Variants in CUX1 observed in about 807,000 individuals in gnomAD.
CUX1 encodes cut like homeobox 1.
In CUX1, 31 loss-of-function variants were observed where a neutral mutation model predicts 158.8. The ratio of observed to expected loss-of-function variants is 0.20; its 90% CI spans 0.15 to 0.26. CUX1 has a LOEUF of 0.26. CUX1 is among the 10% of genes least tolerant of loss of function. The pLI is 1.00. For missense variants in CUX1, 1,589 were observed against 2,014.6 expected, an observed-to-expected ratio of 0.79 and a Z score of 4.04; for synonymous variants, 879 against 862.1, an observed-to-expected ratio of 1.02 and a Z score of -0.34.
intron 3 of CUX1, among the ~76,000 whole-genome samples, chr7:102,046,093 C>CA (rs1400543338): frequency 6.6e-6 from 1 of 152,202 alleles, no homozygotes; most frequent in Non-Finnish European, 1.5e-5. Context: ...GATATTGTGG[C>CA]AAAGTTGACT....
chr7:101,825,917 G>A (rs1201922695), intron 1 of CUX1, among the ~76,000 whole-genome samples: 1 of 152,050 alleles, frequency 6.6e-6, no homozygotes, highest in East Asian at 1.9e-4. Flanking sequence ...ATTCGAAACA[G>A]GTCGCAATCC....
chr7:102,090,511 C>A (rs1828455134), intron 4 of CUX1, among the ~76,000 whole-genome samples: 1 of 151,984 alleles, frequency 6.6e-6, no homozygotes, highest in African/African-American at 2.4e-5. Flanking sequence ...CCTCAGCCTC[C>A]CGAGTAGCTG....
intron 8 of CUX1, among the ~76,000 whole-genome samples, chr7:102,123,071 A>C (rs946033613): frequency 3.3e-5 from 5 of 152,110 alleles, no homozygotes; most frequent in African/African-American, 1.2e-4. Flanking sequence ...TCTCTACTAA[A>C]AATACAAAAA....
intron 1 of CUX1, among the ~76,000 whole-genome samples, chr7:101,847,631 A>G (rs959211257): frequency 6.6e-6 from 1 of 151,964 alleles, no homozygotes; most frequent in Non-Finnish European, 1.5e-5. Context: ...TATTTTAGAG[A>G]TGGGGTCTTG....
chr7:102,247,410 C>T (rs919080037), intron 23 of CUX1, among the ~76,000 whole-genome samples: 10 of 152,182 alleles, frequency 6.6e-5, no homozygotes, highest in Admixed American at 5.9e-4. Context: ...ACTCACCCAG[C>T]CTTCGTTACT....
At chr7:101,844,908 G>T (rs935372602) in intron 1 of CUX1, among the ~76,000 whole-genome samples, 9 of 152,102 alleles carry the variant, frequency 5.9e-5, no homozygotes, top group African/African-American at 1.9e-4. Context: ...GAGCCACTGC[G>T]CCTGGCCTGT....
chr7:102,125,819 T>C (rs1832573547), intron 8 of CUX1: 1 of 121,204 alleles, frequency 8.3e-6, no homozygotes, highest in Admixed American at 9.7e-5. Flanking sequence ...GTTTTTATTT[T>C]ATTTTATTTT....
chr7:102,160,552 G>A (rs1254575493), intron 9 of CUX1, among the ~76,000 whole-genome samples: 5 of 152,128 alleles, frequency 3.3e-5, no homozygotes, highest in East Asian at 3.8e-4. Flanking sequence ...GCAATGACAC[G>A]GGTTCAGTTC....
rs782223311 is a variant in CUX1, at chr7:102,283,065, C to T, written c.2012C>T (p.Ala671Val). 1.9e-6 allele frequency: 3 copies of T among 1,613,700 alleles called. No homozygotes were observed. In the South Asian group the frequency reaches 3.3e-5, roughly 18 times the overall value. ...AAGTTCCACGAGAATGACAACGGGG[C>T]TGCGGCTGGTGACTTGTGGCAGTGA... The change falls in exon 23 of 23, where the codon GCT becomes GTT. Residue 671 changes from alanine to valine, a missense_variant. Physicochemically the swap from Ala to Val is moderately conservative, Grantham distance 64. Transcript: ENST00000292538.
In CUX1 at chr7:101,872,295, G is replaced by A. The variant is rs192310163; in HGVS notation, c.31-43820G>A. The stretch of plus-strand genomic sequence containing the variant: ...ATTACAGGCGCCCATCACCACGCCC[G>A]GCTAATTTTTGTATTTTTAGTAGAG... On this transcript the variant is annotated intron_variant, in intron 1 of 23. Coordinates refer to ENST00000292535, the MANE Select transcript of CUX1 (RefSeq NM_181552.4). Among the ~76,000 whole-genome samples the A allele has an allele frequency of 4.2e-3, 630 of 151,796 alleles. 10 individuals are homozygous for A. The highest frequency in any genetic ancestry group is 0.037 in the Admixed American group (571 of 15,236).
rs1789763535 is a variant in CUX1, at chr7:102,255,188, A to G, written c.*6146A>G. ...TTCCGCCTGTCTGCCCGACTTCCAA[A>G]AACTGCCTCCTCCTGCCCAGGCCTC... is the stretch of plus-strand genomic sequence containing the variant. On this transcript the variant is annotated 3_prime_UTR_variant, in exon 24 of 24. Transcript: ENST00000292535. The G allele has an allele frequency of 6.1e-6, 6 of 985,304 alleles. No homozygotes were observed. In the South Asian group the frequency reaches 2.8e-4, roughly 46 times the overall value. 61.0% of individuals were successfully genotyped at this position (985,304 alleles called of 1,614,324 possible). A position where few individuals can be genotyped will look rare whatever the true frequency, so the allele number is the denominator to read the frequency against.
chr7:101,954,763 A>G (rs1809552239), intron 2 of CUX1, among the ~76,000 whole-genome samples: 1 of 152,258 alleles, frequency 6.6e-6, no homozygotes, highest in Non-Finnish European at 1.5e-5. Context: ...AGGTGGCATC[A>G]TGAACACACC....
intron 1 of CUX1, among the ~76,000 whole-genome samples, chr7:101,900,389 T>C (rs1043414738): frequency 1.3e-5 from 2 of 152,234 alleles, no homozygotes; most frequent in African/African-American, 4.8e-5. Context: ...AGTGTCGTTC[T>C]GCGGGGCCAT....
intron 2 of CUX1, among the ~76,000 whole-genome samples, chr7:101,978,768 C>A (rs558088572): frequency 2.6e-4 from 39 of 152,360 alleles, no homozygotes; most frequent in African/African-American, 9.1e-4. Flanking sequence ...CTTTCTTCCA[C>A]CTGGCTCACC....
intron 2 of CUX1, among the ~76,000 whole-genome samples, chr7:101,951,743 G>GT (rs1194322346): frequency 6.6e-6 from 1 of 152,198 alleles, no homozygotes; most frequent in African/African-American, 2.4e-5. Flanking sequence ...TCCTGACCTT[G>GT]TGATCCGCCC....
intron 1 of CUX1, among the ~76,000 whole-genome samples, chr7:101,881,253 C>T (rs1398225991): frequency 6.6e-6 from 1 of 152,206 alleles, no homozygotes; most frequent in Non-Finnish European, 1.5e-5. Flanking sequence ...ATTCAGCTGA[C>T]AAGCACTAAT....
intron 4 of CUX1, among the ~76,000 whole-genome samples, 193 bp downstream of exon 4, chr7:102,070,610 G>A (rs1290992945): frequency 6.6e-6 from 1 of 152,202 alleles, no homozygotes; most frequent in African/African-American, 2.4e-5. Context: ...AGGGAAATTG[G>A]ATGCACTTGT....
chr7:102,072,106 G>A (rs1826198117), intron 4 of CUX1, among the ~76,000 whole-genome samples: 1 of 152,138 alleles, frequency 6.6e-6, no homozygotes, highest in East Asian at 1.9e-4. Flanking sequence ...GCAATGAATT[G>A]GACAAAATGC....
chr7:102,218,799 T>C (rs1486580387), intron 20 of CUX1, among the ~76,000 whole-genome samples: 2 of 151,816 alleles, frequency 1.3e-5, no homozygotes, highest in Non-Finnish European at 2.9e-5. Context: ...AGGCCCATAA[T>C]TCTAGCACTT....
Sources: gnomAD v4.1 joint callset for allele counts (sites outside exome capture counted in the v4.1 genomes callset) on GRCh38, gnomAD v4.1.1 for gene constraint, MANE v1.5 for transcripts, NCBI Gene and HGNC (gene_info 2026-07-23, HGNC 2026-07-21) for gene names.